GABRG3: variants seen among roughly 807,000 people sequenced by gnomAD.
The protein encoded by GABRG3 is gamma-aminobutyric acid receptor subunit gamma-3.
A neutral mutation model predicts 48.8 loss-of-function variants in GABRG3; 25 were observed. The observed-to-expected ratio is 0.51, with a 90% confidence interval of 0.37 to 0.72. The LOEUF (loss-of-function observed/expected upper bound fraction) is 0.72, where lower values mean the gene tolerates loss of function less well. GABRG3 is among the 30% of genes least tolerant of loss of function. The pLI, the probability that GABRG3 is intolerant of heterozygous loss-of-function variation, is 0.00. For synonymous variants in GABRG3, 227 were observed against 217.6 expected, an observed-to-expected ratio of 1.04 and a Z score of -0.38; for missense variants, 394 against 577.9, an observed-to-expected ratio of 0.68 and a Z score of 3.26.
intron 3 of GABRG3, among the ~76,000 whole-genome samples, chr15:27,228,717 G>C (rs999778979): frequency 6.6e-6 from 1 of 152,050 alleles, no homozygotes; most frequent in African/African-American, 2.4e-5. Flanking sequence ...CTGCAACCTT[G>C]CCAGTATCTG....
At chr15:26,987,701 C>A (rs868561017) in intron 2 of GABRG3, among the ~76,000 whole-genome samples, 1 of 152,142 alleles carries the variant, frequency 6.6e-6, no homozygotes, top group African/African-American at 2.4e-5. Flanking sequence ...TTTTGATAAC[C>A]GTTCTGCTTA....
chr15:27,335,556 A>G (rs1193357590), intron 5 of GABRG3, among the ~76,000 whole-genome samples: 1 of 152,198 alleles, frequency 6.6e-6, no homozygotes, highest in African/African-American at 2.4e-5. Context: ...TGGAAACATC[A>G]TTTAAGTCAA....
At chr15:27,418,454 C>T (rs12442309) in intron 5 of GABRG3, among the ~76,000 whole-genome samples, 59,254 of 152,044 alleles carry the variant, frequency 0.39, 13,409 homozygotes, top group African/African-American at 0.63. Context: ...GGGAGTTACC[C>T]GAAAGCAGCA....
At chr15:27,491,553 C>A (rs1566865222) in intron 6 of GABRG3, among the ~76,000 whole-genome samples, 1 of 152,214 alleles carries the variant, frequency 6.6e-6, no homozygotes, top group South Asian at 2.1e-4. Flanking sequence ...TTATTACTTC[C>A]TTTAAGCTAT....
intron 5 of GABRG3, among the ~76,000 whole-genome samples, chr15:27,470,899 A>G (rs568691790): frequency 2.1e-4 from 27 of 129,916 alleles, no homozygotes; most frequent in Non-Finnish European, 3.0e-4. Context: ...ATCCTAGTAT[A>G]TGGCTGTTTT....
chr15:27,177,184 G>A (rs1397884829), intron 3 of GABRG3, among the ~76,000 whole-genome samples: 1 of 152,120 alleles, frequency 6.6e-6, no homozygotes, highest in Non-Finnish European at 1.5e-5. Flanking sequence ...TCAATTTCTT[G>A]GGCAGCAGCT....
At chr15:27,333,165 C>T (rs574236992) in intron 5 of GABRG3, among the ~76,000 whole-genome samples, 1 of 152,234 alleles carries the variant, frequency 6.6e-6, no homozygotes, top group East Asian at 1.9e-4. Flanking sequence ...GAAACTGAAC[C>T]ATAAAGAATA....
At chr15:27,295,283 T>C (rs1891944065) in intron 3 of GABRG3, 1 of 152,212 alleles carries the variant, frequency 6.6e-6, no homozygotes, top group African/African-American at 2.4e-5. Context: ...AGTGGGAAAG[T>C]ACATGGTTGC....
chr15:27,216,770 A>ATTTATTTAT (rs1194749028), intron 3 of GABRG3, among the ~76,000 whole-genome samples: 1 of 89,432 alleles, frequency 1.1e-5, no homozygotes, highest in African/African-American at 4.0e-5. Flanking sequence ...TTATTTATTT[A>ATTTATTTAT]TTTTTTAATT....
At chr15:27,095,096 C>T (rs1297190613) in intron 3 of GABRG3, among the ~76,000 whole-genome samples, 5 of 152,282 alleles carry the variant, frequency 3.3e-5, no homozygotes, top group Middle Eastern at 3.4e-3. Flanking sequence ...ACTGGATTTT[C>T]GCCACACCGA....
Position 26,976,696 on chromosome 15 carries a change from T to C in GABRG3, c.54-306T>C, listed in dbSNP as rs992407031. Among the ~76,000 whole-genome samples the C allele has an allele frequency of 6.6e-6, 1 of 152,178 alleles. No homozygotes were observed. ...GGGGTGGATCCAAGGGTGTGTTGCC[T>C]GCTGGTTGGCCCTCTGGTGTTGTTT... On this transcript the variant is annotated intron_variant, in intron 1 of 9. Coordinates refer to ENST00000615808, the MANE Select transcript of GABRG3 (RefSeq NM_033223.5). This position sits in a 1 kb window ranked among gnomAD's most constrained non-coding sequence, Gnocchi z 7.8.
intron 2 of GABRG3, among the ~76,000 whole-genome samples, chr15:27,004,720 C>T (rs1431572869): frequency 2.0e-5 from 3 of 152,192 alleles, no homozygotes; most frequent in Non-Finnish European, 4.4e-5. Flanking sequence ...TCCCAGTTGT[C>T]GGACATTTAT....
At chr15:27,140,310 T>C (rs1211991604) in intron 3 of GABRG3, among the ~76,000 whole-genome samples, 1 of 152,118 alleles carries the variant, frequency 6.6e-6, no homozygotes, top group East Asian at 1.9e-4. Flanking sequence ...AGTGTCATAA[T>C]TGAATTAGAG....
intron 6 of GABRG3, among the ~76,000 whole-genome samples, chr15:27,489,520 AC>A (rs1432958526): frequency 2.6e-5 from 4 of 152,142 alleles, no homozygotes; most frequent in African/African-American, 9.7e-5. Flanking sequence ...CTATTTCTCC[AC>A]ATCCTCTCCA....
intron 3 of GABRG3, among the ~76,000 whole-genome samples, chr15:27,308,321 T>C (rs1226277945): frequency 7.0e-6 from 1 of 142,340 alleles, no homozygotes; most frequent in Admixed American, 7.2e-5. Flanking sequence ...TATATAAACA[T>C]ACGTTTATAT....
chr15:27,125,931 A>G (rs1362358049), intron 3 of GABRG3, among the ~76,000 whole-genome samples: 2 of 152,264 alleles, frequency 1.3e-5, no homozygotes, highest in African/African-American at 4.8e-5. Context: ...ATGAGGGCAG[A>G]TAATATGATC....
At chr15:27,341,004 G>A in intron 5 of GABRG3, 1 of 513,142 alleles carries the variant, frequency 1.9e-6, no homozygotes, top group Non-Finnish European at 3.9e-6. Context: ...GGGCAAGATG[G>A]CTGGAACACT....
chr15:27,433,991 G>A (rs757537190), intron 5 of GABRG3, among the ~76,000 whole-genome samples: 2 of 152,096 alleles, frequency 1.3e-5, no homozygotes, highest in East Asian at 1.9e-4. Flanking sequence ...GACTTTACAC[G>A]AGCTCTTTTA....
At chr15:27,322,030 A>G (rs1479219662) in intron 3 of GABRG3, among the ~76,000 whole-genome samples, 1 of 152,266 alleles carries the variant, frequency 6.6e-6, no homozygotes, top group African/African-American at 2.4e-5. Context: ...TATTTCAGAC[A>G]CATTAATTTC....
Sources: allele counts gnomAD v4.1 joint callset (sites outside exome capture counted in the v4.1 genomes callset), GRCh38; gene constraint gnomAD v4.1.1; non-coding constraint Gnocchi (gnomAD v3.1); transcripts MANE v1.5; gene names NCBI Gene and HGNC (gene_info 2026-07-23, HGNC 2026-07-21).